Variants in TPRG1 observed in about 807,000 individuals in gnomAD.
TPRG1 encodes tumor protein p63-regulated gene 1 protein.
Under a neutral mutation model 29.3 loss-of-function variants are expected in TPRG1, and 29 were observed. That is an observed-to-expected ratio of 0.99 (90% CI 0.74 to 1.35). The LOEUF (loss-of-function observed/expected upper bound fraction) is 1.35, where lower values mean the gene tolerates loss of function less well. Among genes scored for constraint, TPRG1 ranks in the 40% most tolerant of loss-of-function variants. The probability of loss-of-function intolerance (pLI) is 0.00; values close to 1 mark genes in which losing one functional copy is unlikely to be tolerated. For synonymous variants in TPRG1, 130 were observed against 116.8 expected (o/e 1.11, Z -0.73); for missense variants, 327 against 335.0 (o/e 0.98, Z 0.19).
intron 4 of TPRG1, among the ~76,000 whole-genome samples, chr3:189,291,126 C>T (rs1242694139): frequency 6.6e-6 from 1 of 152,012 alleles, no homozygotes; most frequent in African/African-American, 2.4e-5. Flanking sequence ...TGGTCTCGAT[C>T]TCCTGACCTC....
chr3:189,049,940 A>G (rs1715212660), intron 4 of TPRG1, among the ~76,000 whole-genome samples: 1 of 152,184 alleles, frequency 6.6e-6, no homozygotes, highest in Non-Finnish European at 1.5e-5. Context: ...TTGGTGCTAA[A>G]AGGAAAGTTC....
At chr3:189,051,159 C>T (rs187256151) in intron 4 of TPRG1, among the ~76,000 whole-genome samples, 197 of 152,134 alleles carry the variant, frequency 1.3e-3, no homozygotes, top group Admixed American at 6.2e-3. Flanking sequence ...TGTTTGCTGA[C>T]GATATTTATC....
At chr3:188,998,814 A>AG (rs1400511117) in intron 1 of TPRG1, among the ~76,000 whole-genome samples, 4 of 152,134 alleles carry the variant, frequency 2.6e-5, no homozygotes, top group Non-Finnish European at 5.9e-5. Flanking sequence ...CCAGAGGCTG[A>AG]GGGGGTGTGG....
intron 4 of TPRG1, among the ~76,000 whole-genome samples, chr3:189,260,827 G>A (rs1294604239): frequency 2.0e-5 from 3 of 152,110 alleles, no homozygotes; most frequent in Non-Finnish European, 4.4e-5. Context: ...GAGGGAGGAA[G>A]GAGGGCATCG....
At chr3:189,106,003 C>T (rs1417339297) in intron 1 of TPRG1, among the ~76,000 whole-genome samples, 1 of 151,954 alleles carries the variant, frequency 6.6e-6, no homozygotes, top group African/African-American at 2.4e-5. Flanking sequence ...TACATGTTTA[C>T]CTATGTAACA....
intron 4 of TPRG1, among the ~76,000 whole-genome samples, chr3:189,261,132 T>A (rs1220727055): frequency 2.0e-5 from 3 of 152,062 alleles, no homozygotes; most frequent in African/African-American, 7.2e-5. Context: ...ACAGAGCAAA[T>A]AGCTGAAGTG....
intron 4 of TPRG1, among the ~76,000 whole-genome samples, chr3:189,274,395 G>A (rs541025978): frequency 9.0e-4 from 135 of 150,220 alleles, no homozygotes; most frequent in African/African-American, 3.0e-3. Flanking sequence ...TGTAATTGCC[G>A]TTTGTTCAGC....
intron 1 of TPRG1, among the ~76,000 whole-genome samples, chr3:189,203,620 A>G (rs972231903): frequency 6.6e-6 from 1 of 152,202 alleles, no homozygotes; most frequent in African/African-American, 2.4e-5. Flanking sequence ...TTCCTTGAAC[A>G]TTAGGTGTTT....
intron 4 of TPRG1, among the ~76,000 whole-genome samples, chr3:189,149,030 C>T (rs747175465): frequency 2.0e-5 from 3 of 152,220 alleles, no homozygotes; most frequent in East Asian, 1.9e-4. Flanking sequence ...GCACCAGCTT[C>T]GTCCTATCCC....
At chr3:189,292,306 T>C (rs1227453253) in intron 4 of TPRG1, among the ~76,000 whole-genome samples, 3 of 151,636 alleles carry the variant, frequency 2.0e-5, no homozygotes, top group African/African-American at 7.3e-5. Context: ...TTTTTTTTTT[T>C]TTGCTTATCT....
intron 4 of TPRG1, among the ~76,000 whole-genome samples, chr3:189,261,292 T>C (rs1286518502): frequency 6.6e-6 from 1 of 151,982 alleles, no homozygotes; most frequent in Non-Finnish European, 1.5e-5. Context: ...TAAGAAGAAA[T>C]GATCTGGTGG....
At position 189,080,496 on chromosome 3, in the gene TPRG1, A is replaced by T. The variant is rs990344455; in HGVS notation, c.-462-46561A>T. On this transcript the variant is annotated intron_variant, in intron 4 of 10. Transcript: ENST00000433971. ...TTTTTTCCTGCTTTCCTGGAGCCAA[A>T]CCTACCCAAAAGCTAGAGGGCAAGG... 1.1e-4 allele frequency among the ~76,000 whole-genome samples: 17 copies of T among 152,250 alleles called. No individual in the cohort carries two copies. In the East Asian group the frequency reaches 3.1e-3, roughly 28 times the overall value.
chr3:189,079,680 A>C (rs191935140), intron 4 of TPRG1, among the ~76,000 whole-genome samples: 2 of 152,260 alleles, frequency 1.3e-5, no homozygotes, highest in Admixed American at 1.3e-4. Flanking sequence ...TTTGATTGAC[A>C]CTCTGCACTC....
chr3:189,144,582 A>C (rs1724998775), intron 3 of TPRG1, among the ~76,000 whole-genome samples: 2 of 152,210 alleles, frequency 1.3e-5, no homozygotes, highest in Admixed American at 6.5e-5. Context: ...CTTTTAATAA[A>C]GGGGATTACT....
chr3:189,181,205 G>A (rs1000490212), intron 1 of TPRG1, among the ~76,000 whole-genome samples: 4 of 152,202 alleles, frequency 2.6e-5, no homozygotes, highest in Non-Finnish European at 5.9e-5. Flanking sequence ...GGGCTGCTAT[G>A]AAGACCTCTG....
rs1171967892 is a variant in TPRG1 at position 189,072,771 on chromosome 3, GTCCA to G, written c.-463+48844_-463+48847del. On this transcript the variant is annotated intron_variant, in intron 4 of 10. Coordinates refer to the TPRG1 transcript ENST00000433971. ...TTTATATCTCTCTATCAATCAATTC[GTCCA>G]TCCATCCATCCATCCATCATTTATC... Among the ~76,000 whole-genome samples the G allele has an allele frequency of 2.6e-5, 4 of 151,532 alleles. No homozygotes were observed. The South Asian group carries it at 8.3e-4, about 32-fold the overall frequency.
chr3:189,228,030 A>T (rs1738036151), intron 3 of TPRG1, among the ~76,000 whole-genome samples: 1 of 152,180 alleles, frequency 6.6e-6, no homozygotes, highest in Non-Finnish European at 1.5e-5. Context: ...CTGAGGCAGA[A>T]GAATCGCTTG....
At chr3:189,102,055 T>A (rs894745468) in intron 1 of TPRG1, among the ~76,000 whole-genome samples, 3 of 152,182 alleles carry the variant, frequency 2.0e-5, no homozygotes, top group African/African-American at 4.8e-5. Context: ...CCTCTCTCTA[T>A]CTCTTAAAAG....
At chr3:189,171,775 T>C (rs1248484123), upstream of TPRG1, among the ~76,000 whole-genome samples, 1 of 152,128 alleles carries the variant, frequency 6.6e-6, no homozygotes, top group Non-Finnish European at 1.5e-5. Context: ...CTCAGCTGGA[T>C]GTGTATTAGA....
Sources: allele counts gnomAD v4.1 joint callset (sites outside exome capture counted in the v4.1 genomes callset), GRCh38; gene constraint gnomAD v4.1.1; transcripts MANE v1.5; gene names NCBI Gene and HGNC (gene_info 2026-07-23, HGNC 2026-07-21).